CLASP1: variants seen among roughly 807,000 people sequenced by gnomAD.
CLASP1 encodes the protein CLIP-associating protein 1.
A neutral mutation model predicts 192.3 loss-of-function variants in CLASP1; 38 were observed. That is an observed-to-expected ratio of 0.20 (90% CI 0.15 to 0.26). The LOEUF is 0.26. Ranked by LOEUF, CLASP1 falls within the 10% of genes least tolerant of loss-of-function variation. CLASP1 has a pLI of 1.00. For missense variants in CLASP1, 1,433 were observed against 1,932.5 expected (o/e 0.74, Z 4.85); for synonymous variants, 691 against 712.8 (o/e 0.97, Z 0.49).
chr2:121,568,530 A>G (rs570596475), intron 2 of CLASP1, among the ~76,000 whole-genome samples: 2 of 151,582 alleles, frequency 1.3e-5, no homozygotes, highest in East Asian at 3.9e-4. Flanking sequence ...GCACTAAGCA[A>G]GTAACACGCT....
chr2:121,352,465 G>A (rs915741418), intron 37 of CLASP1, among the ~76,000 whole-genome samples: 2 of 152,210 alleles, frequency 1.3e-5, no homozygotes, highest in African/African-American at 4.8e-5. Context: ...AAAGCAGAGT[G>A]CTGTTTAGAC....
At chr2:121,403,829 G>T (rs1241606980) in intron 26 of CLASP1, 1 of 460,964 alleles carries the variant, frequency 2.2e-6, no homozygotes, top group Non-Finnish European at 4.4e-6. Context: ...TGGCCCTCAG[G>T]AGGTGTGGGC....
At chr2:121,605,975 T>C (rs1188980260) in exon 2 of CLASP1, 3 of 1,319,022 alleles carry the variant, frequency 2.3e-6, no homozygotes, top group Non-Finnish European at 3.1e-6. Flanking sequence ...TCTGGGAGGT[T>C]GCCTCTTTGT....
At chr2:121,555,387 A>G (rs1017448346) in intron 2 of CLASP1, among the ~76,000 whole-genome samples, 4 of 152,070 alleles carry the variant, frequency 2.6e-5, no homozygotes, top group Non-Finnish European at 4.4e-5. Flanking sequence ...CTCATTTGTG[A>G]CCTCTGATTT....
At chr2:121,530,883 C>A (rs564290155) in intron 2 of CLASP1, 2 of 692,172 alleles carry the variant, frequency 2.9e-6, no homozygotes, top group African/African-American at 1.8e-5. Flanking sequence ...CTATTATAAC[C>A]ATCCTTTTCT....
chr2:121,436,142 G>A (rs540917166), intron 19 of CLASP1, among the ~76,000 whole-genome samples: 5 of 150,718 alleles, frequency 3.3e-5, no homozygotes, highest in South Asian at 2.1e-4. Flanking sequence ...AGTGATTCTC[G>A]TGCCTCAGTT....
intron 37 of CLASP1, among the ~76,000 whole-genome samples, chr2:121,355,612 C>A (rs2065244716): frequency 6.6e-6 from 1 of 152,196 alleles, no homozygotes. Flanking sequence ...CCTCTATATG[C>A]CAAACCCCTG....
chr2:121,566,322 A>T (rs1576047065), intron 2 of CLASP1, among the ~76,000 whole-genome samples: 2 of 152,220 alleles, frequency 1.3e-5, no homozygotes, highest in African/African-American at 4.8e-5. Context: ...CCATGTTTAT[A>T]AATCCTGTAA....
chr2:121,351,584 C>T (rs1465555511), intron 37 of CLASP1, among the ~76,000 whole-genome samples: 3 of 152,154 alleles, frequency 2.0e-5, no homozygotes, highest in Non-Finnish European at 4.4e-5. Flanking sequence ...TGGGAGGACC[C>T]GCTAACTCCT....
At chr2:121,349,896 G>A (rs182928934) in intron 37 of CLASP1, among the ~76,000 whole-genome samples, 3 of 152,282 alleles carry the variant, frequency 2.0e-5, no homozygotes, top group Admixed American at 6.5e-5. Flanking sequence ...TCAGGGAGCA[G>A]GTCCCAGTCA....
intron 31 of CLASP1, 85 bp from the exon 33 acceptor site, chr2:121,387,313 G>T: frequency 3.3e-6 from 3 of 909,362 alleles, no homozygotes; most frequent in Non-Finnish European, 4.8e-6. Flanking sequence ...TAACCCACAT[G>T]TAAATAAATG....
At chr2:121,391,852 C>A (rs1435974747) in intron 30 of CLASP1, among the ~76,000 whole-genome samples, 1 of 152,060 alleles carries the variant, frequency 6.6e-6, no homozygotes, top group Non-Finnish European at 1.5e-5. Flanking sequence ...TGCAGTGAGC[C>A]GAGATCGTGC....
At chr2:121,578,609 T>TC (rs1451513616) in intron 2 of CLASP1, among the ~76,000 whole-genome samples, 1 of 151,434 alleles carries the variant, frequency 6.6e-6, no homozygotes, top group African/African-American at 2.4e-5. Context: ...ATGCCTGTAG[T>TC]CCCAGCTACT....
exon 33 of CLASP1, chr2:121,382,254 G>T (rs769099893): frequency 6.2e-7 from 1 of 1,608,662 alleles, no homozygotes; most frequent in Middle Eastern, 1.7e-4. Flanking sequence ...GGAGCGGTGG[G>T]GATGGAGTTA....
chr2:121,602,145 A>T (rs1008094901), intron 2 of CLASP1, among the ~76,000 whole-genome samples: 1 of 151,326 alleles, frequency 6.6e-6, no homozygotes, highest in African/African-American at 2.4e-5. Flanking sequence ...ACTGCACTCC[A>T]GCCTGGGCAA....
chr2:121,644,522 AC>A (rs2072770692), intron 1 of CLASP1, among the ~76,000 whole-genome samples: 1 of 152,120 alleles, frequency 6.6e-6, no homozygotes, highest in Non-Finnish European at 1.5e-5. Flanking sequence ...GGCATGTGCC[AC>A]CACGCCTGTA....
At chr2:121,617,787 C>G (rs949519513) in intron 1 of CLASP1, among the ~76,000 whole-genome samples, 7 of 152,286 alleles carry the variant, frequency 4.6e-5, no homozygotes, top group Middle Eastern at 3.4e-3. Context: ...TGCCTCTTGT[C>G]CCCTCACACT....
At chr2:121,456,000 T>C (rs1259442604) in intron 14 of CLASP1, among the ~76,000 whole-genome samples, 1 of 152,168 alleles carries the variant, frequency 6.6e-6, no homozygotes, top group Non-Finnish European at 1.5e-5. Flanking sequence ...CGATTGCACA[T>C]CATAGTGATG....
At chr2:121,422,981 G>A (rs2079764034) in intron 22 of CLASP1, among the ~76,000 whole-genome samples, 1 of 151,626 alleles carries the variant, frequency 6.6e-6, no homozygotes, top group African/African-American at 2.4e-5. Context: ...CAAATGTTAA[G>A]AAACACAGGC....
Sources: allele counts gnomAD v4.1 joint callset (sites outside exome capture counted in the v4.1 genomes callset), GRCh38; gene constraint gnomAD v4.1.1; transcripts MANE v1.5; gene names NCBI Gene and HGNC (gene_info 2026-07-23, HGNC 2026-07-21).